Variants in TEX36 observed in about 807,000 individuals in gnomAD.
TEX36 encodes testis-expressed protein 36.
TEX36 carries 12 observed loss-of-function variants against 13.6 expected under a neutral mutation model. The observed-to-expected ratio is 0.88, with a 90% CI of 0.56 to 1.43. TEX36 has a LOEUF of 1.43. Among genes scored for constraint, TEX36 ranks in the 40% most tolerant of loss-of-function variants. The probability of loss-of-function intolerance (pLI) is 0.00; values close to 1 mark genes in which losing one functional copy is unlikely to be tolerated. For missense variants in TEX36, 224 were observed against 228.3 expected, an observed-to-expected ratio of 0.98 and a Z score of 0.12; for synonymous variants, 93 against 83.0, an observed-to-expected ratio of 1.12 and a Z score of -0.65.
intron 3 of TEX36, among the ~76,000 whole-genome samples, chr10:125,622,528 T>A (rs1438740159): frequency 6.6e-6 from 1 of 152,232 alleles, no homozygotes; most frequent in Non-Finnish European, 1.5e-5. Context: ...TGATCATGAT[T>A]TTTCACCTGG....
In TEX36 at chr10:125,655,846, G is replaced by C; in HGVS notation, c.*54C>G. The C allele has an allele frequency of 9.8e-6, 14 of 1,430,652 alleles. No homozygotes were observed. Among genetic ancestry groups the C allele is most frequent in the Non-Finnish European group, 1.3e-5 (14 of 1,087,682 alleles). 88.6% of individuals were successfully genotyped at this position (1,430,652 alleles called of 1,614,324 possible). On this transcript the variant is annotated 3_prime_UTR_variant, in exon 4 of 4. Transcript: ENST00000368821. The stretch of plus-strand genomic sequence containing the variant: ...TGGATCAGAAAACATATACTTTTAG[G>C]ATGTCTGATGAAATACCAGTATTAC...
At chr10:125,626,056 C>T (rs903887415) in intron 3 of TEX36, among the ~76,000 whole-genome samples, 3 of 152,226 alleles carry the variant, frequency 2.0e-5, no homozygotes, top group Admixed American at 6.5e-5. Context: ...CAGACCAGTG[C>T]AGGTGATAAA....
At chr10:125,674,867 G>T (rs1847288175) in intron 1 of TEX36, among the ~76,000 whole-genome samples, 1 of 152,254 alleles carries the variant, frequency 6.6e-6, no homozygotes, top group Admixed American at 6.5e-5. Flanking sequence ...TGTGTAACTT[G>T]ACTGAGGGGT....
intron 3 of TEX36, among the ~76,000 whole-genome samples, chr10:125,644,831 A>G (rs565055220): frequency 3.3e-5 from 5 of 152,346 alleles, no homozygotes; most frequent in South Asian, 4.1e-4. Flanking sequence ...GTCAAGCTCA[A>G]TCAGGTGATC....
At chr10:125,588,201 G>T (rs923698331) in intron 3 of TEX36, among the ~76,000 whole-genome samples, 1 of 152,202 alleles carries the variant, frequency 6.6e-6, no homozygotes, top group African/African-American at 2.4e-5. Context: ...TCTCCATAGA[G>T]GTTGTACCAA....
chr10:125,625,473 G>GT (rs1565177450), intron 3 of TEX36, among the ~76,000 whole-genome samples: 1 of 152,190 alleles, frequency 6.6e-6, no homozygotes, highest in African/African-American at 2.4e-5. Flanking sequence ...TCAGTTCATA[G>GT]TTTAGTCTAA....
chr10:125,586,032 T>C (rs1195979655), intron 3 of TEX36, among the ~76,000 whole-genome samples: 1 of 152,200 alleles, frequency 6.6e-6, no homozygotes, highest in Non-Finnish European at 1.5e-5. Flanking sequence ...GTATTTTATC[T>C]AAGTTCAGTA....
chr10:125,628,635 G>A (rs1478848600), intron 3 of TEX36, among the ~76,000 whole-genome samples: 2 of 152,252 alleles, frequency 1.3e-5, no homozygotes, highest in East Asian at 3.8e-4. Flanking sequence ...TCTTTTAGAA[G>A]TGCTTCTTGA....
At chr10:125,627,894 C>G (rs781547427) in intron 3 of TEX36, among the ~76,000 whole-genome samples, 2 of 152,076 alleles carry the variant, frequency 1.3e-5, no homozygotes, top group Non-Finnish European at 2.9e-5. Context: ...GCGGTAACAC[C>G]TAGAATATCA....
intron 3 of TEX36, among the ~76,000 whole-genome samples, chr10:125,606,107 T>C (rs539582235): frequency 2.0e-5 from 3 of 152,312 alleles, no homozygotes; most frequent in South Asian, 4.1e-4. Context: ...TCTTAGACTG[T>C]TGGGCCGTGT....
intron 3 of TEX36, among the ~76,000 whole-genome samples, chr10:125,660,772 G>GGCACTTGCAGAAGGATGAAGC (rs1465628195): frequency 6.6e-6 from 1 of 152,206 alleles, no homozygotes; most frequent in Non-Finnish European, 1.5e-5. Flanking sequence ...TTTATGGGAA[G>GGCACTTGCAGAAGGATGAAGC]GCACTTGCAG....
chr10:125,622,832 T>C (rs1462793143), intron 3 of TEX36, among the ~76,000 whole-genome samples: 1 of 152,226 alleles, frequency 6.6e-6, no homozygotes, highest in Non-Finnish European at 1.5e-5. Flanking sequence ...CTTCTTAACC[T>C]GTTGACTTAG....
chr10:125,629,411 T>C (rs2133566247), intron 3 of TEX36, among the ~76,000 whole-genome samples: 1 of 152,068 alleles, frequency 6.6e-6, no homozygotes, highest in South Asian at 2.1e-4. Context: ...TGGGGGGAGG[T>C]TCTGAGGTGA....
intron 1 of TEX36, chr10:125,666,892 A>T: frequency 2.3e-6 from 1 of 432,482 alleles, no homozygotes; most frequent in Admixed American, 3.3e-5. Flanking sequence ...GTATGGTTAG[A>T]GATGAAGAGG....
intron 3 of TEX36, chr10:125,578,431 C>T (rs910147159): frequency 1.3e-5 from 2 of 152,160 alleles, no homozygotes; most frequent in Non-Finnish European, 1.5e-5. Context: ...ATTAAATTGT[C>T]GTCAGTTAAC....
chr10:125,653,658 A>T (rs1170834097), downstream of TEX36, among the ~76,000 whole-genome samples: 2 of 152,116 alleles, frequency 1.3e-5, no homozygotes, highest in East Asian at 3.8e-4. Context: ...AAATTTTTAA[A>T]AAAAGAAATA....
intron 1 of TEX36, among the ~76,000 whole-genome samples, chr10:125,676,793 C>T (rs1156425570): frequency 1.3e-5 from 2 of 152,094 alleles, no homozygotes; most frequent in Non-Finnish European, 2.9e-5. Context: ...GATTGTTCTA[C>T]GAGTGAGTTT....
chr10:125,682,840 C>A, intron 1 of TEX36, 99 bp downstream of exon 1: 1 of 1,334,002 alleles, frequency 7.5e-7, no homozygotes, highest in African/African-American at 1.5e-5. Context: ...TGTCAAAGGT[C>A]ATGCTTCAGT....
intron 3 of TEX36, among the ~76,000 whole-genome samples, chr10:125,658,227 A>G (rs1309598122): frequency 1.3e-5 from 2 of 152,174 alleles, no homozygotes; most frequent in African/African-American, 4.8e-5. Context: ...GGCCCATAAC[A>G]TAAAGAACAA....
Sources: gnomAD v4.1 joint callset for allele counts (sites outside exome capture counted in the v4.1 genomes callset) on GRCh38, gnomAD v4.1.1 for gene constraint, MANE v1.5 for transcripts, NCBI Gene and HGNC (gene_info 2026-07-23, HGNC 2026-07-21) for gene names.